Variants in ARID1A observed in about 807,000 individuals in gnomAD.
The protein encoded by ARID1A is AT-rich interactive domain-containing protein 1A.
Under a neutral mutation model 212.6 loss-of-function variants are expected in ARID1A, and 20 were observed. The observed-to-expected ratio is 0.09, with a 90% CI of 0.07 to 0.14. The LOEUF is 0.14. ARID1A is among the 10% of genes least tolerant of loss of function. ARID1A has a pLI of 1.00. For synonymous variants in ARID1A, 1,376 were observed against 1,222.1 expected (o/e 1.13, Z -2.63); for missense variants, 2,587 against 3,059.0 (o/e 0.85, Z 3.64).
At chr1:26,700,462 C>T (rs2080321414) in intron 1 of ARID1A, among the ~76,000 whole-genome samples, 1 of 152,154 alleles carries the variant, frequency 6.6e-6, no homozygotes. Flanking sequence ...TACTTTATTC[C>T]TTTTCATAAG....
rs1314248136 is a variant in ARID1A, at chr1:26,767,777, C to T, written c.2989-13C>T. The stretch of plus-strand genomic sequence containing the variant: ...CTGACCCATTCCTATGAATTTTGAC[C>T]TGAACCTTCCAGAAATCCAGTTCTT... On this transcript the variant is annotated splice_polypyrimidine_tract_variant and intron_variant, in intron 10 of 19. Coordinates refer to ENST00000324856, the MANE Select transcript of ARID1A (RefSeq NM_006015.6). 6.2e-7 allele frequency: 1 copy of T among 1,606,094 alleles called. No individual in the cohort carries two copies.
chr1:26,766,448 CT>C lies in ARID1A; in HGVS notation c.2879-5del. ...TTACTGGACTTGAGAATTTTTTTCTCTTTTACAGGGATGGCAGCCAGCCCAG... is the reference window on the plus strand; with the variant it reads ...TTACTGGACTTGAGAATTTTTTTCTCTTTACAGGGATGGCAGCCAGCCCAG... On this transcript the variant is annotated splice_region_variant and splice_polypyrimidine_tract_variant and intron_variant, in intron 9 of 19. Transcript: ENST00000324856. 1 of 1,613,456 alleles carries C rather than the reference CT, an allele frequency of 6.2e-7. No individual in the cohort carries two copies. Among genetic ancestry groups the C allele is most frequent in the Non-Finnish European group, 8.5e-7 (1 of 1,179,808 alleles).
At position 26,696,187 on chromosome 1, in the gene ARID1A, C is replaced by T; in HGVS notation, c.-217C>T. 4.5e-6 allele frequency: 3 copies of T among 666,844 alleles called. No individual in the cohort carries two copies. The highest frequency in any genetic ancestry group is 7.0e-5 in the South Asian group (1 of 14,246). The allele number at this position is 666,844 out of a possible 1,614,324, so 41.3% of individuals were successfully genotyped here. On this transcript the variant is annotated 5_prime_UTR_variant, in exon 1 of 20. Transcript: ENST00000324856. ...GCTGAGCCGCCGGCGCCTCGGCCGC[C>T]GCCGCCGCCTCCTCCTCCTCCGCCG...
chr1:26,774,421 G>A lies in ARID1A; in HGVS notation c.4194G>A (p.Gly1398=), dbSNP rs1021925831. The A allele has an allele frequency of 3.7e-6, 6 of 1,612,986 alleles. No individual in the cohort carries two copies. The highest frequency in any genetic ancestry group is 5.1e-6 in the Non-Finnish European group (6 of 1,179,390). The change falls in exon 18 of 20, where the codon GGG becomes GGA. Residue 1398 remains glycine (G), a synonymous_variant. Coordinates refer to ENST00000324856, the MANE Select transcript of ARID1A (RefSeq NM_006015.6). The surrounding 1 kb of genome is among the most constrained non-coding windows in gnomAD (Gnocchi z 5.6). The stretch of plus-strand genomic sequence containing the variant: ...GCGTGCCATACAGCACTGGGCAGGG[G>A]CAGCCTCAGCAGCAGCAGTTGCCCC... ...MYSVPYSTGQ[G]QPQQQQLPPA...
At position 26,781,459 on chromosome 1, in the gene ARID1A, GAA is replaced by G. The variant is rs760723895; in HGVS notation, c.*714_*715del. The G allele has an allele frequency of 1.9e-4, 39 of 200,902 alleles. No homozygotes were observed. Among genetic ancestry groups the G allele is most frequent in the East Asian group, 2.9e-4 (4 of 13,798 alleles). 12.4% of individuals were successfully genotyped at this position (200,902 alleles called of 1,614,324 possible). A position where few individuals can be genotyped will look rare whatever the true frequency, so the allele number is the denominator to read the frequency against. On this transcript the variant is annotated 3_prime_UTR_variant, in exon 20 of 20. Transcript: ENST00000324856. ...AATGTTTTTAGTTAAACGTTGAGGAGAAAAAAAAAAAAGGCTTTTCCCCCAAA... is the reference window on the plus strand; with the variant it reads ...AATGTTTTTAGTTAAACGTTGAGGAGAAAAAAAAAAGGCTTTTCCCCCAAA...
Position 26,729,818 on chromosome 1 carries a change from G to A in ARID1A, c.1305G>A (p.Gln435=), listed in dbSNP as rs2124785607. 6.2e-7 allele frequency: 1 copy of A among 1,614,236 alleles called. No homozygotes were observed. Among genetic ancestry groups the A allele is most frequent in the African/African-American group, 1.3e-5 (1 of 75,070 alleles). Reference sequence around the variant, plus strand: ...CGCAGCGGTACCCGATGACCATGCAGGGCCGGGCGCAGAGTGCCATGGGCG... The same window carrying A: ...CGCAGCGGTACCCGATGACCATGCAAGGCCGGGCGCAGAGTGCCATGGGCG... ...QTPQRYPMTM[Q]GRAQSAMGGL... Residue 435 remains glutamine, a synonymous_variant, in exon 2 of 20, where the codon CAG becomes CAA. Transcript: ENST00000324856.
At chr1:26,723,631 C>T (rs1463070448) in intron 1 of ARID1A, among the ~76,000 whole-genome samples, 1 of 151,946 alleles carries the variant, frequency 6.6e-6, no homozygotes, top group African/African-American at 2.4e-5. Flanking sequence ...GGTGTGGCTT[C>T]GAGTTTATGC....
rs779566275 is a variant in ARID1A, at chr1:26,697,146, G to T, written c.743G>T (p.Gly248Val). Residue 248 changes from glycine (G) to valine (V), a missense_variant, in exon 1 of 20, where the codon GGC becomes GTC. Coordinates refer to ENST00000324856, the MANE Select transcript of ARID1A (RefSeq NM_006015.6). ...GGCTCCGGCGCGGCGGCGGCTGCCG[G>T]CTCCAAGCCGCCTCCCTCCTCCAGC... ...TPGSGAAAAA[G>V]SKPPPSSSAS... The T allele has an allele frequency of 1.4e-6, 2 of 1,440,446 alleles. No homozygotes were observed. Among genetic ancestry groups the T allele is most frequent in the Non-Finnish European group, 1.8e-6 (2 of 1,099,866 alleles). 89.2% of individuals were successfully genotyped at this position (1,440,446 alleles called of 1,614,324 possible).
chr1:26,710,528 C>CACACACACACACA (rs1553147494), intron 1 of ARID1A, among the ~76,000 whole-genome samples: 11 of 148,266 alleles, frequency 7.4e-5, no homozygotes, highest in South Asian at 2.1e-4. Context: ...CACACACACA[C>CACACACACACACA]CACTTGTTGT....
intron 10 of ARID1A, 78 bp from the exon 11 acceptor site, chr1:26,767,712 A>G (rs2081051473): frequency 7.3e-7 from 1 of 1,367,526 alleles, no homozygotes; most frequent in Admixed American, 2.2e-5. Flanking sequence ...ACACTGCTCC[A>G]GTCAAGAGAC....
intron 1 of ARID1A, among the ~76,000 whole-genome samples, chr1:26,723,458 C>T (rs947012375): frequency 2.0e-5 from 3 of 152,082 alleles, no homozygotes; most frequent in African/African-American, 7.2e-5. Context: ...TTTGTGCTGG[C>T]GGGGCCATGT....
intron 10 of ARID1A, 110 bp from the exon 11 acceptor site, chr1:26,767,680 C>A: frequency 8.8e-7 from 1 of 1,134,488 alleles, no homozygotes; most frequent in Non-Finnish European, 1.2e-6. Context: ...TGTTAGTAAC[C>A]ACCCCAGAGT....
chr1:26,762,010 C>T, intron 6 of ARID1A, 142 bp from the exon 7 acceptor site: 8 of 947,056 alleles, frequency 8.4e-6, no homozygotes, highest in Non-Finnish European at 1.1e-5. Flanking sequence ...AAATGACACA[C>T]CACTATATAG....
chr1:26,712,504 G>A (rs900758019), intron 1 of ARID1A, among the ~76,000 whole-genome samples: 1 of 152,054 alleles, frequency 6.6e-6, no homozygotes, highest in Non-Finnish European at 1.5e-5. Context: ...TGGCAACATA[G>A]CAAGACCTTG....
At chr1:26,770,196 G>C (rs1557613266) in intron 11 of ARID1A, 1 of 152,222 alleles carries the variant, frequency 6.6e-6, no homozygotes, top group South Asian at 2.1e-4. Flanking sequence ...CTGGGTGACA[G>C]AGTGAGACTC....
intron 1 of ARID1A, among the ~76,000 whole-genome samples, chr1:26,710,337 G>A (rs1177492673): frequency 6.6e-6 from 1 of 151,610 alleles, no homozygotes; most frequent in East Asian, 2.0e-4. Flanking sequence ...GGGAGGTTGA[G>A]GCAGGAGAAT....
rs746165075 is a variant in ARID1A, at chr1:26,780,607, G to A, written c.6709G>A (p.Ala2237Thr). Reference protein sequence around the residue: ...SVDMMRRAARALLALAKVDEN... With the variant: ...SVDMMRRAARTLLALAKVDEN... Reference sequence around the variant, plus strand: ...GGACATGATGCGGCGGGCTGCCCGCGCGCTGCTTGCCTTGGCCAAGGTGGA... The same window carrying A: ...GGACATGATGCGGCGGGCTGCCCGCACGCTGCTTGCCTTGGCCAAGGTGGA... Residue 2237 changes from alanine (A) to threonine (T), a missense_variant, in exon 20 of 20, where the codon GCG (alanine) becomes ACG (threonine). This residue lies in a region of ARID1A where 16 missense variants were observed against 33.2 expected (regional missense o/e 0.48). Transcript: ENST00000324856. The surrounding 1 kb of genome is among the most constrained non-coding windows in gnomAD (Gnocchi z 7.2). 33 of 1,613,668 alleles carry A rather than the reference G, an allele frequency of 2.0e-5. No homozygotes were observed. The highest frequency in any genetic ancestry group is 1.5e-4 in the South Asian group (14 of 91,084).
Position 26,702,481 on chromosome 1 carries a change from A to G in ARID1A, c.1137+4941A>G, listed in dbSNP as rs182914985. On this transcript the variant is annotated intron_variant, in intron 1 of 19. Transcript: ENST00000324856. ...TTCTGTGCTTGACACAGCATCTTCT[A>G]TCGTCTCTGAAGGAACCAAATGTTT... Among the ~76,000 whole-genome samples the G allele has an allele frequency of 1.8e-4, 27 of 152,346 alleles. No individual in the cohort carries two copies. The East Asian group carries it at 3.1e-3, about 17-fold the overall frequency.
At chr1:26,710,569 T>G (rs981980008) in intron 1 of ARID1A, among the ~76,000 whole-genome samples, 1 of 149,508 alleles carries the variant, frequency 6.7e-6, no homozygotes, top group Non-Finnish European at 1.5e-5. Flanking sequence ...AGTGCAGTGG[T>G]TCTCAGTGTG....
Sources: allele counts gnomAD v4.1 joint callset (sites outside exome capture counted in the v4.1 genomes callset), GRCh38; gene constraint gnomAD v4.1.1; regional missense constraint gnomAD v4.1.1; non-coding constraint Gnocchi (gnomAD v3.1); transcripts MANE v1.5; gene names NCBI Gene and HGNC (gene_info 2026-07-23, HGNC 2026-07-21).